NR1H4: variants seen among roughly 807,000 people sequenced by gnomAD.
The protein encoded by NR1H4 is nuclear receptor subfamily 1 group H member 4, also known as bile acid receptor.
Under a neutral mutation model 58.5 loss-of-function variants are expected in NR1H4, and 23 were observed. The ratio of observed to expected loss-of-function variants is 0.39; its 90% CI spans 0.28 to 0.56. The LOEUF (loss-of-function observed/expected upper bound fraction) is 0.56, where lower values mean the gene tolerates loss of function less well. Ranked by LOEUF, NR1H4 falls within the 20% of genes least tolerant of loss-of-function variation. The pLI is 0.58. For synonymous variants in NR1H4, 214 were observed against 198.0 expected (o/e 1.08, Z -0.68); for missense variants, 487 against 576.9 (o/e 0.84, Z 1.60).
chr12:100,486,909 T>C (rs1953503690), intron 1 of NR1H4, among the ~76,000 whole-genome samples: 1 of 152,064 alleles, frequency 6.6e-6, no homozygotes, highest in African/African-American at 2.4e-5. Context: ...ATGCAAAACT[T>C]TTTAGGTAAA....
At chr12:100,526,584 C>T (rs567141596) in intron 4 of NR1H4, among the ~76,000 whole-genome samples, 3 of 152,264 alleles carry the variant, frequency 2.0e-5, no homozygotes, top group East Asian at 1.9e-4. Flanking sequence ...CAGGATCGTG[C>T]GCAAACCTCA....
intron 9 of NR1H4, among the ~76,000 whole-genome samples, chr12:100,558,209 A>T (rs1241904534): frequency 6.6e-6 from 1 of 150,646 alleles, no homozygotes; most frequent in Non-Finnish European, 1.5e-5. Flanking sequence ...AAATACAAAA[A>T]AAAAAAAAAA....
intron 9 of NR1H4, among the ~76,000 whole-genome samples, chr12:100,551,332 C>T (rs934330175): frequency 6.6e-6 from 1 of 152,178 alleles, no homozygotes; most frequent in Non-Finnish European, 1.5e-5. Context: ...TATATGATTT[C>T]ACTGCTTTAG....
chr12:100,475,644 C>G (rs1161147402), intron 1 of NR1H4, among the ~76,000 whole-genome samples: 1 of 152,180 alleles, frequency 6.6e-6, no homozygotes, highest in Admixed American at 6.5e-5. Flanking sequence ...ATGGAGCTAA[C>G]TTTTCTACAA....
At chr12:100,530,336 G>A (rs989902748) in intron 4 of NR1H4, among the ~76,000 whole-genome samples, 1 of 152,088 alleles carries the variant, frequency 6.6e-6, no homozygotes, top group African/African-American at 2.4e-5. Context: ...ATAATATGGG[G>A]ACAAATAATA....
rs756222295 is a variant in NR1H4 at position 100,510,840 on chromosome 12, C to A, written c.142C>A (p.Gln48Lys). The change falls in exon 4 of 11, where the codon CAA becomes AAA. Residue 48 changes from glutamine (Q) to lysine (K), a missense_variant. By Grantham distance (53) the Gln-to-Lys change is moderately conservative. Coordinates refer to ENST00000392986, the MANE Select transcript of NR1H4 (RefSeq NM_001206979.2). ...GAACCTGGAAGTGGAACCATACTCGCAATACAGCAATGTTCAGTTTCCCCA... is the reference window on the plus strand; with the variant it reads ...GAACCTGGAAGTGGAACCATACTCGAAATACAGCAATGTTCAGTTTCCCCA... ...GQNLEVEPYSQYSNVQFPQVQ... is the reference protein window; with the variant it reads ...GQNLEVEPYSKYSNVQFPQVQ... 1.2e-6 allele frequency: 2 copies of A among 1,614,102 alleles called. 1 individual carries two copies. Among genetic ancestry groups the A allele is most frequent in the South Asian group, 2.2e-5 (2 of 91,084 alleles).
chr12:100,490,303 CA>C (rs1158259392), intron 1 of NR1H4, among the ~76,000 whole-genome samples: 2 of 152,014 alleles, frequency 1.3e-5, no homozygotes, highest in African/African-American at 4.8e-5. Flanking sequence ...CTGTAATGTG[CA>C]GTGGAAGTAC....
chr12:100,505,455 C>A, intron 3 of NR1H4: 6 of 509,428 alleles, frequency 1.2e-5, no homozygotes, highest in Non-Finnish European at 2.1e-5. Context: ...TAGTGGCTAC[C>A]ATATTGGTAG....
chr12:100,493,459 A>G (rs1953646991), intron 3 of NR1H4, 57 bp downstream of exon 3: 4 of 857,624 alleles, frequency 4.7e-6, no homozygotes, highest in Admixed American at 4.0e-5. Context: ...TTGGAAATAC[A>G]TGAGGAAATG....
intron 3 of NR1H4, among the ~76,000 whole-genome samples, chr12:100,496,138 C>T (rs377155325): frequency 1.6e-4 from 25 of 152,228 alleles, no homozygotes; most frequent in African/African-American, 4.3e-4. Context: ...ACTGACAATA[C>T]GCTGGGCCTT....
rs555424552 is a variant in NR1H4 at position 100,500,313 on chromosome 12, C to G, written c.79+6911C>G. Reference sequence around the variant, plus strand: ...TGCCAACATTTACTCTAGGACCTCCCTTTTTTCATGCCTTCATAGCTGATG... The same window carrying G: ...TGCCAACATTTACTCTAGGACCTCCGTTTTTTCATGCCTTCATAGCTGATG... On this transcript the variant is annotated intron_variant, in intron 3 of 10. Transcript: ENST00000392986. 2.0e-5 allele frequency among the ~76,000 whole-genome samples: 3 copies of G among 152,244 alleles called. No individual in the cohort carries two copies. In the East Asian group the frequency reaches 5.8e-4, roughly 29 times the overall value.
At chr12:100,545,781 C>G (rs1015730203) in intron 9 of NR1H4, among the ~76,000 whole-genome samples, 7 of 151,004 alleles carry the variant, frequency 4.6e-5, no homozygotes, top group African/African-American at 1.5e-4. Context: ...TTTGTGTGAG[C>G]TTTGGGTCCT....
intron 9 of NR1H4, among the ~76,000 whole-genome samples, chr12:100,544,570 C>T (rs1955015039): frequency 6.6e-6 from 1 of 152,058 alleles, no homozygotes; most frequent in African/African-American, 2.4e-5. Flanking sequence ...AGTCTTGCCT[C>T]AAGTTTGATA....
At chr12:100,563,193 C>T in intron 10 of NR1H4, 58 bp from the exon 11 acceptor site, 1 of 1,309,132 alleles carries the variant, frequency 7.6e-7, no homozygotes, top group Non-Finnish European at 1.1e-6. Context: ...TATAATTATG[C>T]TGAATTAATG....
chr12:100,514,011 A>G (rs1002994107), intron 4 of NR1H4, among the ~76,000 whole-genome samples: 1 of 152,256 alleles, frequency 6.6e-6, no homozygotes, highest in African/African-American at 2.4e-5. Flanking sequence ...GCTCTAGTCA[A>G]AAAGTGGCTG....
intron 4 of NR1H4, among the ~76,000 whole-genome samples, chr12:100,513,074 A>G (rs973222129): frequency 3.3e-5 from 5 of 152,224 alleles, no homozygotes; most frequent in African/African-American, 1.2e-4. Context: ...AAAAGATCCC[A>G]CTTATGGCCT....
chr12:100,553,278 G>T (rs1256792310), intron 9 of NR1H4, among the ~76,000 whole-genome samples: 2 of 152,176 alleles, frequency 1.3e-5, no homozygotes, highest in Non-Finnish European at 2.9e-5. Context: ...GATTACAGGT[G>T]TGAGTCACTG....
chr12:100,509,301 T>A (rs1178604821), intron 3 of NR1H4, among the ~76,000 whole-genome samples: 64 of 152,364 alleles, frequency 4.2e-4, no homozygotes, highest in Admixed American at 4.1e-3. Flanking sequence ...CTTATTTATG[T>A]CTATTTTTTC....
chr12:100,548,662 T>A (rs916234202), intron 9 of NR1H4, among the ~76,000 whole-genome samples: 4 of 152,150 alleles, frequency 2.6e-5, no homozygotes, highest in South Asian at 2.1e-4. Flanking sequence ...TACTTTTTTT[T>A]AACAAGCTTT....
Sources: allele counts gnomAD v4.1 joint callset (sites outside exome capture counted in the v4.1 genomes callset), GRCh38; gene constraint gnomAD v4.1.1; transcripts MANE v1.5; gene names NCBI Gene and HGNC (gene_info 2026-07-23, HGNC 2026-07-21).